ST8SIA6: variants seen among roughly 807,000 people sequenced by gnomAD.
ST8SIA6 encodes alpha-2,8-sialyltransferase 8F.
ST8SIA6 carries 39 observed loss-of-function variants against 33.6 expected under a neutral mutation model. That is an observed-to-expected ratio of 1.16 (90% CI 0.90 to 1.52). ST8SIA6 has a LOEUF of 1.52. ST8SIA6 is among the 40% of genes most tolerant of loss of function. The probability of loss-of-function intolerance (pLI) is 0.00; values close to 1 mark genes in which losing one functional copy is unlikely to be tolerated. For synonymous variants in ST8SIA6, 172 were observed against 167.2 expected (o/e 1.03, Z -0.22); for missense variants, 441 against 443.8 (o/e 0.99, Z 0.06).
chr10:17,393,915 A>G (rs1188532147), intron 2 of ST8SIA6, among the ~76,000 whole-genome samples: 2 of 152,166 alleles, frequency 1.3e-5, no homozygotes, highest in Non-Finnish European at 2.9e-5. Context: ...CCTCTAATTC[A>G]TTCTCCACGC....
At chr10:17,326,394 G>T (rs1848129248) in intron 6 of ST8SIA6, among the ~76,000 whole-genome samples, 1 of 152,096 alleles carries the variant, frequency 6.6e-6, no homozygotes, top group African/African-American at 2.4e-5. Flanking sequence ...CTTTGGTATG[G>T]CTTATTAGTA....
intron 2 of ST8SIA6, among the ~76,000 whole-genome samples, chr10:17,442,633 A>G (rs1395657359): frequency 6.6e-6 from 1 of 152,202 alleles, no homozygotes; most frequent in Non-Finnish European, 1.5e-5. Context: ...TTATTTGAAA[A>G]AATTCTCCTA....
At chr10:17,355,266 T>G (rs1057010542) in intron 4 of ST8SIA6, among the ~76,000 whole-genome samples, 2 of 152,228 alleles carry the variant, frequency 1.3e-5, no homozygotes, top group Admixed American at 1.3e-4. Context: ...CAAGATGCTT[T>G]TATCTTCTCA....
rs773542650 is a variant in ST8SIA6 at position 17,323,251 on chromosome 10, C to T, written c.636-94G>A. On this transcript the variant is annotated intron_variant, in intron 6 of 7. Coordinates refer to ENST00000377602, the MANE Select transcript of ST8SIA6 (RefSeq NM_001004470.3). ...CGCGCACACACACACACACACACAC[C>T]TATCTATAATAATTGTTCTTATGTT... 5.2e-4 allele frequency: 255 copies of T among 491,130 alleles called. 1 individual carries two copies. Among genetic ancestry groups the T allele is most frequent in the Non-Finnish European group, 8.1e-4 (237 of 293,816 alleles). 30.4% of individuals were successfully genotyped at this position (491,130 alleles called of 1,614,324 possible). A position where few individuals can be genotyped will look rare whatever the true frequency, so the allele number is the denominator to read the frequency against.
rs965758785 is a variant in ST8SIA6 at position 17,397,815 on chromosome 10, G to T, written c.201-7195C>A. Among the ~76,000 whole-genome samples the T allele has an allele frequency of 3.9e-5, 6 of 152,098 alleles. No homozygotes were observed. In the East Asian group the frequency reaches 9.7e-4, roughly 24 times the overall value. ...TGTTTTCATCACTTCAGTATGTTGC[G>T]GGGGGGAAATCTTTAAAAAGGTTGG... On this transcript the variant is annotated intron_variant, in intron 2 of 7. Coordinates refer to ENST00000377602, the MANE Select transcript of ST8SIA6 (RefSeq NM_001004470.3).
chr10:17,437,191 C>G (rs1852295509), intron 2 of ST8SIA6, among the ~76,000 whole-genome samples: 1 of 152,142 alleles, frequency 6.6e-6, no homozygotes, highest in Non-Finnish European at 1.5e-5. Flanking sequence ...CAGGGTCTTG[C>G]TCTGTTGCCT....
chr10:17,425,926 A>G (rs538997669), intron 2 of ST8SIA6, among the ~76,000 whole-genome samples: 1 of 152,264 alleles, frequency 6.6e-6, no homozygotes, highest in African/African-American at 2.4e-5. Context: ...CCCTAACTGC[A>G]AGTTCCCATC....
intron 2 of ST8SIA6, among the ~76,000 whole-genome samples, chr10:17,401,177 A>C (rs1300913812): frequency 1.3e-5 from 2 of 152,178 alleles, no homozygotes; most frequent in African/African-American, 4.8e-5. Context: ...ACTCCCATTC[A>C]CAATTGCTTC....
At chr10:17,419,753 T>A (rs1486494018) in intron 2 of ST8SIA6, among the ~76,000 whole-genome samples, 1 of 152,220 alleles carries the variant, frequency 6.6e-6, no homozygotes, top group Non-Finnish European at 1.5e-5. Flanking sequence ...CTTGTTTTTG[T>A]TTAAAACATG....
intron 3 of ST8SIA6, among the ~76,000 whole-genome samples, chr10:17,382,185 AGTT>A (rs893396655): frequency 6.6e-6 from 1 of 152,234 alleles, no homozygotes; most frequent in African/African-American, 2.4e-5. Flanking sequence ...TAGAATATAA[AGTT>A]GTATTAAATT....
chr10:17,402,115 G>A lies in ST8SIA6; in HGVS notation c.201-11495C>T, dbSNP rs560837444. ...AAAACAACCCCATCAACAAGTGGGC[G>A]AAGGATATGAACAGACACTTCTCAA... On this transcript the variant is annotated intron_variant, in intron 2 of 7. Transcript: ENST00000377602. Among the ~76,000 whole-genome samples, 1,278 of 152,194 alleles carry A rather than the reference G, an allele frequency of 8.4e-3. 18 individuals are homozygous for A. The highest frequency in any genetic ancestry group is 0.029 in the African/African-American group (1,193 of 41,508).
intron 2 of ST8SIA6, among the ~76,000 whole-genome samples, chr10:17,446,463 G>A (rs993877239): frequency 2.0e-5 from 3 of 152,200 alleles, no homozygotes; most frequent in South Asian, 2.1e-4. Context: ...AACTGATACA[G>A]TAAGGTTCAG....
chr10:17,355,161 G>T (rs776889607), intron 4 of ST8SIA6, among the ~76,000 whole-genome samples: 1 of 152,158 alleles, frequency 6.6e-6, no homozygotes. Context: ...TTTTTTGAGA[G>T]AATTCATTTT....
chr10:17,416,537 C>T (rs899828351), intron 2 of ST8SIA6, among the ~76,000 whole-genome samples: 14 of 152,348 alleles, frequency 9.2e-5, no homozygotes, highest in African/African-American at 3.4e-4. Flanking sequence ...TTCCAGTCTT[C>T]CCCATCTCTA....
intron 4 of ST8SIA6, among the ~76,000 whole-genome samples, chr10:17,335,407 A>C (rs79025967): frequency 0.028 from 4,229 of 152,294 alleles, 86 homozygotes; most frequent in African/African-American, 0.054. Flanking sequence ...AAATACAACG[A>C]TCTAATTTGT....
At chr10:17,324,917 AAT>A (rs1290644128) in intron 6 of ST8SIA6, among the ~76,000 whole-genome samples, 12 of 146,338 alleles carry the variant, frequency 8.2e-5, no homozygotes, top group Admixed American at 2.8e-4. Context: ...TATAATATGT[AAT>A]ATATAATATG....
At chr10:17,450,961 C>T (rs1048772528) in intron 2 of ST8SIA6, among the ~76,000 whole-genome samples, 5 of 152,142 alleles carry the variant, frequency 3.3e-5, no homozygotes, top group Non-Finnish European at 7.3e-5. Context: ...GGAGATTAAA[C>T]GTGTGGGATT....
At chr10:17,360,154 G>A (rs1849333512) in intron 3 of ST8SIA6, among the ~76,000 whole-genome samples, 1 of 152,134 alleles carries the variant, frequency 6.6e-6, no homozygotes, top group Non-Finnish European at 1.5e-5. Flanking sequence ...CAGGATCCCA[G>A]TCCCTGGTAG....
At chr10:17,333,882 C>T (rs1245131654) in intron 4 of ST8SIA6, among the ~76,000 whole-genome samples, 16 of 150,148 alleles carry the variant, frequency 1.1e-4, no homozygotes, top group South Asian at 2.1e-4. Context: ...CTACCATGTC[C>T]GGCTAATTTT....
Sources: allele counts gnomAD v4.1 joint callset (sites outside exome capture counted in the v4.1 genomes callset), GRCh38; gene constraint gnomAD v4.1.1; transcripts MANE v1.5; gene names NCBI Gene and HGNC (gene_info 2026-07-23, HGNC 2026-07-21).